Variants in SSH2 observed in about 807,000 individuals in gnomAD.
SSH2 encodes the protein slingshot protein phosphatase 2.
SSH2 carries 37 observed loss-of-function variants against 135.2 expected under a neutral mutation model. That is an observed-to-expected ratio of 0.27 (90% CI 0.21 to 0.36). The LOEUF is 0.36. Among genes scored for constraint, SSH2 ranks in the 10% least tolerant of loss-of-function variants. The pLI is 1.00. For synonymous variants in SSH2, 628 were observed against 646.2 expected (o/e 0.97, Z 0.43); for missense variants, 1,408 against 1,765.3 (o/e 0.80, Z 3.63).
chr17:29,635,198 G>A (rs767450613), intron 15 of SSH2, among the ~76,000 whole-genome samples: 5 of 152,032 alleles, frequency 3.3e-5, no homozygotes, highest in Admixed American at 2.6e-4. Context: ...CACCGCGCCC[G>A]GCCAGCACAT....
At chr17:29,866,953 C>T (rs933444910) in intron 1 of SSH2, among the ~76,000 whole-genome samples, 2 of 152,094 alleles carry the variant, frequency 1.3e-5, no homozygotes, top group Non-Finnish European at 2.9e-5. Flanking sequence ...CCATCTCAGT[C>T]TCCTGAGTAG....
rs1261569994 is a variant in SSH2 at position 29,742,823 on chromosome 17, C to T, written c.189-39761G>A. On this transcript the variant is annotated intron_variant, in intron 3 of 15. Coordinates refer to ENST00000540801, the MANE Select transcript of SSH2 (RefSeq NM_001282129.2). ...TAATTTTTGTATTTTTTAGTAGAGA[C>T]GGGGTTTCACCATGTTGGCCAGGCT... Among the ~76,000 whole-genome samples, 8 of 150,614 alleles carry T rather than the reference C, an allele frequency of 5.3e-5. No homozygotes were observed. In the South Asian group the frequency reaches 6.3e-4, roughly 12 times the overall value.
At chr17:29,873,285 C>T (rs555181383) in intron 1 of SSH2, among the ~76,000 whole-genome samples, 35 of 151,990 alleles carry the variant, frequency 2.3e-4, no homozygotes, top group South Asian at 1.9e-3. Flanking sequence ...AGAGGCCGGG[C>T]GCAGTGGCTC....
chr17:29,733,284 G>A (rs1255058389), intron 3 of SSH2, among the ~76,000 whole-genome samples: 8 of 152,236 alleles, frequency 5.3e-5, no homozygotes, highest in Non-Finnish European at 1.2e-4. Context: ...GGCACAATAG[G>A]TGCCCTCAAA....
rs376815701 is a variant in SSH2 at position 29,860,438 on chromosome 17, CTTTTTTTTTT to C, written c.64-11519_64-11510del. ...AGCGTCTCTTCATGGCCTTTGCCCA[CTTTTTTTTTT>C]TTTTTTTTTTGAGACAGAGTCTCAC... is the stretch of plus-strand genomic sequence containing the variant. On this transcript the variant is annotated intron_variant, in intron 1 of 15. Coordinates refer to ENST00000540801, the MANE Select transcript of SSH2 (RefSeq NM_001282129.2). Among the ~76,000 whole-genome samples the C allele has an allele frequency of 1.7e-4, 19 of 114,280 alleles. No homozygotes were observed. In the South Asian group the frequency reaches 5.4e-3, roughly 33 times the overall value. The allele number at this position is 114,280 out of a possible 152,430, so 75.0% of individuals were successfully genotyped here.
intron 1 of SSH2, chr17:29,856,073 G>T: frequency 2.9e-6 from 1 of 340,806 alleles, no homozygotes; most frequent in Non-Finnish European, 5.7e-6. Flanking sequence ...TTATCCAGGA[G>T]CATGGGTCTC....
chr17:29,750,968 T>A (rs1294070160), intron 3 of SSH2, among the ~76,000 whole-genome samples: 1 of 152,208 alleles, frequency 6.6e-6, no homozygotes, highest in African/African-American at 2.4e-5. Flanking sequence ...AGATCATTGT[T>A]TTCCATCTCC....
intron 4 of SSH2, among the ~76,000 whole-genome samples, chr17:29,699,571 A>G (rs1255959716): frequency 6.6e-6 from 1 of 152,214 alleles, no homozygotes; most frequent in East Asian, 1.9e-4. Flanking sequence ...TAAGTGAACA[A>G]TGTCAAGTAG....
chr17:29,912,559 T>G (rs1014585113), intron 1 of SSH2, among the ~76,000 whole-genome samples: 3 of 152,066 alleles, frequency 2.0e-5, no homozygotes, highest in Non-Finnish European at 4.4e-5. Context: ...AGACCTCATC[T>G]CTACAAAAAC....
intron 2 of SSH2, among the ~76,000 whole-genome samples, chr17:29,805,148 T>C (rs1402896927): frequency 2.0e-5 from 3 of 150,586 alleles, no homozygotes. Flanking sequence ...ATTATTATTA[T>C]TAATATTATT....
At chr17:29,806,970 T>G (rs1165312968) in intron 2 of SSH2, among the ~76,000 whole-genome samples, 2 of 152,186 alleles carry the variant, frequency 1.3e-5, no homozygotes, top group Non-Finnish European at 2.9e-5. Flanking sequence ...CACAAGAAAC[T>G]TAAACAATGA....
chr17:29,691,044 T>C (rs2038452120), intron 5 of SSH2, among the ~76,000 whole-genome samples: 1 of 152,112 alleles, frequency 6.6e-6, no homozygotes, highest in Non-Finnish European at 1.5e-5. Flanking sequence ...TCTCAGAATG[T>C]AGAATACAGA....
chr17:29,676,456 A>G, intron 8 of SSH2: 1 of 167,816 alleles, frequency 6.0e-6, no homozygotes, highest in Non-Finnish European at 1.3e-5. Context: ...AAAGAAAAAA[A>G]AGAAATAGCT....
intron 3 of SSH2, among the ~76,000 whole-genome samples, chr17:29,770,576 G>T (rs550281745): frequency 6.6e-6 from 1 of 151,588 alleles, no homozygotes; most frequent in African/African-American, 2.4e-5. Context: ...AGGTTCAAGC[G>T]ATTCTCATAC....
At chr17:29,682,890 A>G (rs1415928827) in intron 6 of SSH2, among the ~76,000 whole-genome samples, 1 of 152,208 alleles carries the variant, frequency 6.6e-6, no homozygotes, top group Non-Finnish European at 1.5e-5. Context: ...CTGGTTTACA[A>G]GCCTGTGTAA....
At chr17:29,661,061 C>CAAA (rs374216221) in intron 11 of SSH2, among the ~76,000 whole-genome samples, 8 of 48,344 alleles carry the variant, frequency 1.7e-4, no homozygotes, top group Admixed American at 2.4e-4. Context: ...AATTCCATCT[C>CAAA]AAAAAAAAAA....
intron 3 of SSH2, among the ~76,000 whole-genome samples, chr17:29,736,711 C>G: frequency 7.4e-6 from 1 of 134,374 alleles, no homozygotes; most frequent in South Asian, 2.5e-4. Context: ...TGCTTTAACC[C>G]GGGAGGCGGA....
intron 1 of SSH2, chr17:29,928,330 C>T (rs1212897684): frequency 1.0e-5 from 4 of 390,600 alleles, no homozygotes; most frequent in Non-Finnish European, 1.8e-5. Flanking sequence ...TCAGATGACC[C>T]TAAAATGTTT....
chr17:29,663,789 G>A (rs1173200922), intron 11 of SSH2, among the ~76,000 whole-genome samples: 8 of 152,112 alleles, frequency 5.3e-5, no homozygotes, highest in African/African-American at 1.4e-4. Flanking sequence ...TCCATATAAC[G>A]TACAACACCA....
Sources: gnomAD v4.1 joint callset for allele counts (sites outside exome capture counted in the v4.1 genomes callset) on GRCh38, gnomAD v4.1.1 for gene constraint, MANE v1.5 for transcripts, NCBI Gene and HGNC (gene_info 2026-07-23, HGNC 2026-07-21) for gene names.